The following RAB10 variants were observed in gnomAD, a reference collection of about 807,000 sequenced individuals.
RAB10 encodes the protein RAB10, member RAS oncogene family, also known as ras-related protein Rab-10.
A neutral mutation model predicts 25.7 loss-of-function variants in RAB10; 5 were observed. The ratio of observed to expected loss-of-function variants is 0.19; its 90% CI spans 0.10 to 0.41. The LOEUF (loss-of-function observed/expected upper bound fraction) is 0.41, where lower values mean the gene tolerates loss of function less well. Among genes scored for constraint, RAB10 ranks in the 10% least tolerant of loss-of-function variants. The pLI, the probability that RAB10 is intolerant of heterozygous loss-of-function variation, is 1.00. For synonymous variants in RAB10, 89 were observed against 86.4 expected, an observed-to-expected ratio of 1.03 and a Z score of -0.16; for missense variants, 103 against 245.8, an observed-to-expected ratio of 0.42 and a Z score of 3.89.
At chr2:26,130,873 C>T (rs1249266483) in intron 5 of RAB10, among the ~76,000 whole-genome samples, 5 of 152,070 alleles carry the variant, frequency 3.3e-5, no homozygotes, top group Admixed American at 6.6e-5. Context: ...TATTCACAAT[C>T]GAGTTAAAGA....
At chr2:26,067,676 GACT>G (rs1338123781) in intron 1 of RAB10, among the ~76,000 whole-genome samples, 1 of 152,222 alleles carries the variant, frequency 6.6e-6, no homozygotes, top group South Asian at 2.1e-4. Flanking sequence ...AAAAGAGGCA[GACT>G]ACCACTAGTC....
intron 1 of RAB10, among the ~76,000 whole-genome samples, chr2:26,036,449 G>T (rs1574521083): frequency 6.6e-6 from 1 of 152,004 alleles, no homozygotes; most frequent in African/African-American, 2.4e-5. Flanking sequence ...TCACAAGGTC[G>T]GGAGGTCAAG....
chr2:26,112,926 C>G (rs1048199895), intron 3 of RAB10, among the ~76,000 whole-genome samples: 5 of 151,892 alleles, frequency 3.3e-5, no homozygotes, highest in Non-Finnish European at 5.9e-5. Flanking sequence ...ATGAAAAACA[C>G]AAAAAATTAG....
At chr2:26,055,869 G>A (rs1193819851) in intron 1 of RAB10, among the ~76,000 whole-genome samples, 1 of 151,690 alleles carries the variant, frequency 6.6e-6, no homozygotes, top group African/African-American at 2.4e-5. Context: ...AGTTATTGTT[G>A]ATGTACCTCC....
At chr2:26,105,563 G>A (rs1019736710) in intron 2 of RAB10, among the ~76,000 whole-genome samples, 24 of 152,158 alleles carry the variant, frequency 1.6e-4, no homozygotes, top group Admixed American at 1.4e-3. Context: ...GCTGAGACAG[G>A]AGAATCACTT....
intron 1 of RAB10, among the ~76,000 whole-genome samples, chr2:26,062,912 C>G (rs200574553): frequency 1.3e-5 from 2 of 151,760 alleles, no homozygotes; most frequent in Admixed American, 6.6e-5. Flanking sequence ...GTCAGGAGTT[C>G]GAGACCAGCC....
intron 5 of RAB10, among the ~76,000 whole-genome samples, chr2:26,132,022 A>G (rs1668022043): frequency 6.6e-6 from 1 of 152,222 alleles, no homozygotes; most frequent in Non-Finnish European, 1.5e-5. Flanking sequence ...AGATTCTGAG[A>G]ACTGGCCAAA....
intron 1 of RAB10, among the ~76,000 whole-genome samples, chr2:26,080,715 G>A (rs1666851006): frequency 6.6e-6 from 1 of 152,082 alleles, no homozygotes; most frequent in Non-Finnish European, 1.5e-5. Context: ...ATGGGATCTT[G>A]CTATATGTTG....
intron 1 of RAB10, among the ~76,000 whole-genome samples, chr2:26,061,759 AC>A (rs966394496): frequency 1.5e-5 from 1 of 65,066 alleles, no homozygotes; most frequent in Non-Finnish European, 3.2e-5. Context: ...TCCCCACCCC[AC>A]CCCCCCTTGT....
chr2:26,051,190 G>T (rs1417879344), intron 1 of RAB10, among the ~76,000 whole-genome samples: 2 of 152,082 alleles, frequency 1.3e-5, no homozygotes, highest in Non-Finnish European at 2.9e-5. Flanking sequence ...TCCTACCTTG[G>T]CCTCCCAGAG....
intron 3 of RAB10, among the ~76,000 whole-genome samples, chr2:26,114,737 C>CCAAAAAAAAAAAAA (rs1375257249): frequency 1.5e-5 from 1 of 66,064 alleles, no homozygotes; most frequent in African/African-American, 5.4e-5. Flanking sequence ...CAAAAATATA[C>CCAAAAAAAAAAAAA]AAAAAAAAAA....
intron 1 of RAB10, among the ~76,000 whole-genome samples, chr2:26,065,085 A>T (rs746466166): frequency 1.3e-5 from 2 of 152,166 alleles, no homozygotes; most frequent in Admixed American, 6.5e-5. Context: ...TTCAGTTTGG[A>T]TAATAAGTCA....
chr2:26,052,444 C>CT (rs1666158826), intron 1 of RAB10, among the ~76,000 whole-genome samples: 1 of 149,586 alleles, frequency 6.7e-6, no homozygotes, highest in South Asian at 2.1e-4. Flanking sequence ...GTGGGCTCTG[C>CT]TACAAGATGA....
At chr2:26,097,969 C>G (rs1040013355) in intron 1 of RAB10, among the ~76,000 whole-genome samples, 6 of 152,094 alleles carry the variant, frequency 3.9e-5, no homozygotes, top group African/African-American at 1.4e-4. Flanking sequence ...TGTTCTGCAG[C>G]TTAGTGAAGG....
chr2:26,067,318 T>C (rs1383075111), intron 1 of RAB10, among the ~76,000 whole-genome samples: 2 of 152,200 alleles, frequency 1.3e-5, no homozygotes, highest in African/African-American at 4.8e-5. Context: ...TAAAAATACA[T>C]AGATTAGTTG....
At chr2:26,064,985 G>A (rs1017964937) in intron 1 of RAB10, among the ~76,000 whole-genome samples, 12 of 152,208 alleles carry the variant, frequency 7.9e-5, no homozygotes, top group Non-Finnish European at 1.8e-4. Flanking sequence ...TTCAGCCCAG[G>A]AGTTAGAGGC....
At chr2:26,047,439 A>G (rs1574526301) in intron 1 of RAB10, among the ~76,000 whole-genome samples, 1 of 148,528 alleles carries the variant, frequency 6.7e-6, no homozygotes, top group Non-Finnish European at 1.5e-5. Context: ...TTATTGAGAC[A>G]GAGTCTTGTT....
intron 1 of RAB10, among the ~76,000 whole-genome samples, chr2:26,087,753 C>T (rs1225710087): frequency 6.6e-6 from 1 of 152,144 alleles, no homozygotes; most frequent in Non-Finnish European, 1.5e-5. Flanking sequence ...GGAAATAATA[C>T]TATGAACTAG....
In RAB10 at chr2:26,034,607, C is replaced by G. The variant is rs566248314; in HGVS notation, c.-2C>G. 1 of 1,613,376 alleles carries G rather than the reference C, an allele frequency of 6.2e-7. No individual in the cohort carries two copies. Among genetic ancestry groups the G allele is most frequent in the South Asian group, 1.1e-5 (1 of 91,042 alleles). On this transcript the variant is annotated 5_prime_UTR_variant, in exon 1 of 6. Transcript: ENST00000264710. ...CGGCGAGAGCCCGAGCCGCTCCTCC[C>G]AATGGCGAAGAAGACGTACGACCTG...
Sources: gnomAD v4.1 joint callset for allele counts (sites outside exome capture counted in the v4.1 genomes callset) on GRCh38, gnomAD v4.1.1 for gene constraint, MANE v1.5 for transcripts, NCBI Gene and HGNC (gene_info 2026-07-23, HGNC 2026-07-21) for gene names.